Variants in GFM2 observed in about 807,000 individuals in gnomAD.
GFM2 encodes ribosome-releasing factor 2, mitochondrial.
Under a neutral mutation model 95.4 loss-of-function variants are expected in GFM2, and 72 were observed. The observed-to-expected ratio is 0.76, with a 90% CI of 0.62 to 0.92. The LOEUF is 0.92. Ranked by LOEUF, GFM2 falls within the 40% of genes least tolerant of loss-of-function variation. The probability of loss-of-function intolerance (pLI) is 0.00; values close to 1 mark genes in which losing one functional copy is unlikely to be tolerated. For missense variants in GFM2, 825 were observed against 924.1 expected (o/e 0.89, Z 1.39); for synonymous variants, 276 against 317.5 (o/e 0.87, Z 1.39).
chr5:74,765,378 CAACA>C (rs1226267886), intron 1 of GFM2, among the ~76,000 whole-genome samples: 1 of 152,108 alleles, frequency 6.6e-6, no homozygotes, highest in Non-Finnish European at 1.5e-5. Context: ...GGGATACAGA[CAACA>C]AACAAAAGTA....
At chr5:74,764,778 GT>G (rs757160377) in intron 1 of GFM2, among the ~76,000 whole-genome samples, 7,128 of 70,710 alleles carry the variant, frequency 0.1, 39 homozygotes, top group African/African-American at 0.19. Context: ...TCCCTTTGTT[GT>G]TTTTTTTTTT....
intron 20 of GFM2, 68 bp from the exon 21 acceptor site, chr5:74,721,851 A>G: frequency 2.8e-6 from 4 of 1,452,964 alleles, no homozygotes; most frequent in South Asian, 2.5e-5. Context: ...CCTGCTGATT[A>G]TCTTTTGACT....
chr5:74,745,794 G>T lies in GFM2; in HGVS notation c.733C>A (p.Leu245Ile), dbSNP rs1561251045. 6.2e-7 allele frequency: 1 copy of T among 1,613,432 alleles called. No homozygotes were observed. Among genetic ancestry groups the T allele is most frequent in the Non-Finnish European group, 8.5e-7 (1 of 1,179,826 alleles). The stretch of plus-strand genomic sequence containing the variant: ...CCATCATTTGAATTGCAATTCCAAA[G>T]AAGTTTTTCTTTCATTACTACATCC... ...VVDVVMKEKL[L>I]WNCNSNDGKD... The change falls in exon 10 of 21, where the codon CTT becomes ATT. Residue 245 changes from leucine to isoleucine, a missense_variant. By Grantham distance (5) the Leu-to-Ile change is conservative. Transcript: ENST00000296805.
At position 74,721,257 on chromosome 5, in the gene GFM2, GTTTTTTGAATA is replaced by G. The variant is rs1455879032; in HGVS notation, c.*387_*397del. ...ATCATGTAAAATAAGATATTAGACT[GTTTTTTGAATA>G]AAATATTTTTATTGATTGAACCTTT... On this transcript the variant is annotated 3_prime_UTR_variant, in exon 21 of 21. Transcript: ENST00000296805. The G allele has an allele frequency of 1.2e-6, 1 of 868,764 alleles. No individual in the cohort carries two copies. Among genetic ancestry groups the G allele is most frequent in the Admixed American group, 2.4e-5 (1 of 42,510 alleles). 53.8% of individuals were successfully genotyped at this position (868,764 alleles called of 1,614,324 possible). A position where few individuals can be genotyped will look rare whatever the true frequency, so the allele number is the denominator to read the frequency against.
chr5:74,746,466 G>T (rs1332950057), intron 8 of GFM2, among the ~76,000 whole-genome samples: 2 of 152,144 alleles, frequency 1.3e-5, no homozygotes, highest in African/African-American at 4.8e-5. Flanking sequence ...ATTGATCAAG[G>T]TAACAAGGAT....
chr5:74,722,450 T>G lies in GFM2; in HGVS notation c.2140A>C (p.Asn714His). The part of the protein sequence containing the change: ...VLADLAQRRG[N>H]IQEIQTRQDN... ...TGGCGAGTCTGAATTTCCTGAATGT[T>G]TCCTCTTCTTTGTGCCAGATCTGCC... Residue 714 changes from asparagine (N) to histidine (H), a missense_variant, in exon 20 of 21, where the codon AAC (asparagine) becomes CAC (histidine). By Grantham distance (68) the Asn-to-His change is moderately conservative. Transcript: ENST00000296805. 1 of 1,614,060 alleles carries G rather than the reference T, an allele frequency of 6.2e-7. No individual in the cohort carries two copies. Among genetic ancestry groups the G allele is most frequent in the Non-Finnish European group, 8.5e-7 (1 of 1,179,944 alleles).
At chr5:74,749,458 G>A (rs986575926) in intron 7 of GFM2, among the ~76,000 whole-genome samples, 2 of 152,072 alleles carry the variant, frequency 1.3e-5, no homozygotes, top group African/African-American at 2.4e-5. Context: ...TTTTCCTGAG[G>A]ACTAATGAGA....
At chr5:74,759,826 T>G (rs1258144458) in intron 3 of GFM2, among the ~76,000 whole-genome samples, 2 of 152,176 alleles carry the variant, frequency 1.3e-5, no homozygotes, top group Admixed American at 6.5e-5. Context: ...TTCCAGGGTT[T>G]GAAGAGCTAA....
intron 20 of GFM2, 22 bp from the exon 21 acceptor site, chr5:74,721,805 A>G (rs1439443451): frequency 1.3e-6 from 2 of 1,586,436 alleles, no homozygotes; most frequent in South Asian, 1.2e-5. Context: ...AATTTAAGTC[A>G]TTTATATTAT....
chr5:74,744,375 T>C (rs2112289104), intron 10 of GFM2, among the ~76,000 whole-genome samples: 1 of 150,848 alleles, frequency 6.6e-6, no homozygotes, highest in East Asian at 1.9e-4. Flanking sequence ...AAAAAAAAAC[T>C]ATGTACAAAA....
At chr5:74,761,516 G>A (rs1238893854) in intron 2 of GFM2, among the ~76,000 whole-genome samples, 1 of 152,094 alleles carries the variant, frequency 6.6e-6, no homozygotes, top group African/African-American at 2.4e-5. Flanking sequence ...ACCATTAGTT[G>A]TTTTCAGGAT....
At chr5:74,739,247 A>G (rs908289511) in intron 12 of GFM2, among the ~76,000 whole-genome samples, 81 of 152,276 alleles carry the variant, frequency 5.3e-4, no homozygotes, top group Admixed American at 2.0e-3. Context: ...AACTTCTCCA[A>G]TCTTATTCCC....
In GFM2 at chr5:74,733,069, G is replaced by A. The variant is rs139234343; in HGVS notation, c.1540C>T (p.Arg514Cys). ...CTCACTTTCAAACTGGGATCTTCACGCTGAAGACATTTCAACGCATGTTCC... is the reference window on the plus strand; with the variant it reads ...CTCACTTTCAAACTGGGATCTTCACACTGAAGACATTTCAACGCATGTTCC... ...DLEHALKCLQ[R>C]EDPSLKVRLD... The change falls in exon 16 of 21, where the codon CGT becomes TGT. Residue 514 changes from arginine to cysteine, a missense_variant. Coordinates refer to ENST00000296805, the MANE Select transcript of GFM2 (RefSeq NM_032380.5). 17 of 1,611,342 alleles carry A rather than the reference G, an allele frequency of 1.1e-5. No homozygotes were observed. Among genetic ancestry groups the A allele is most frequent in the African/African-American group, 6.7e-5 (5 of 74,828 alleles).
chr5:74,750,350 T>G (rs1204335876), intron 7 of GFM2, among the ~76,000 whole-genome samples: 1 of 152,222 alleles, frequency 6.6e-6, no homozygotes, highest in Non-Finnish European at 1.5e-5. Context: ...AGGTAGAATC[T>G]CTGATCTCTC....
intron 16 of GFM2, among the ~76,000 whole-genome samples, chr5:74,731,580 T>G (rs991382151): frequency 2.2e-4 from 33 of 152,286 alleles, no homozygotes; most frequent in African/African-American, 7.9e-4. Flanking sequence ...CTGATCCTAA[T>G]TTAAATCCTT....
intron 2 of GFM2, among the ~76,000 whole-genome samples, chr5:74,762,073 C>T (rs1233161102): frequency 6.6e-6 from 1 of 152,248 alleles, no homozygotes; most frequent in East Asian, 1.9e-4. Context: ...ACTCCTTGGG[C>T]CACTTAATGA....
intron 19 of GFM2, among the ~76,000 whole-genome samples, chr5:74,722,800 G>A (rs1330420005): frequency 6.6e-6 from 1 of 152,082 alleles, no homozygotes; most frequent in Non-Finnish European, 1.5e-5. Flanking sequence ...TGAACATGTG[G>A]TCAGAGTCAC....
intron 16 of GFM2, 147 bp downstream of exon 16, chr5:74,732,873 TGA>T (rs1204626378): frequency 2.3e-6 from 1 of 436,984 alleles, no homozygotes; most frequent in African/African-American, 2.0e-5. Flanking sequence ...ATTTGTATTA[TGA>T]GAGAATTTAA....
intron 16 of GFM2, among the ~76,000 whole-genome samples, chr5:74,731,103 G>A (rs745841421): frequency 6.6e-6 from 1 of 152,156 alleles, no homozygotes; most frequent in Non-Finnish European, 1.5e-5. Context: ...GTGAGCCACC[G>A]CACCCGGCCA....
Sources: allele counts gnomAD v4.1 joint callset (sites outside exome capture counted in the v4.1 genomes callset), GRCh38; gene constraint gnomAD v4.1.1; transcripts MANE v1.5; gene names NCBI Gene and HGNC (gene_info 2026-07-23, HGNC 2026-07-21).